Variants in CDK17 observed in about 807,000 individuals in gnomAD.
CDK17 encodes the protein cyclin-dependent kinase 17.
Under a neutral mutation model 77.6 loss-of-function variants are expected in CDK17, and 24 were observed. The ratio of observed to expected loss-of-function variants is 0.31; its 90% confidence interval spans 0.22 to 0.44. CDK17 has a LOEUF of 0.44. CDK17 is among the 20% of genes least tolerant of loss of function. The probability of loss-of-function intolerance (pLI) is 1.00; values close to 1 mark genes in which losing one functional copy is unlikely to be tolerated. For missense variants in CDK17, 429 were observed against 622.5 expected (o/e 0.69, Z 3.31); for synonymous variants, 203 against 210.4 (o/e 0.96, Z 0.30).
rs1954239192 is a variant in CDK17, at chr12:96,400,204, C to T, written c.-248G>A. The T allele has an allele frequency of 2.5e-6, 1 of 394,664 alleles. No individual in the cohort carries two copies. The highest frequency in any genetic ancestry group is 1.3e-4 in the South Asian group (1 of 7,830). 24.4% of individuals were successfully genotyped at this position (394,664 alleles called of 1,614,324 possible). A position where few individuals can be genotyped will look rare whatever the true frequency, so the allele number is the denominator to read the frequency against. Reference sequence around the variant, plus strand: ...GGGCCGCGGGTGTCTCACGCGTTGCCAAGTCCCTCGGTCAACATGGCTCCC... The same window carrying T: ...GGGCCGCGGGTGTCTCACGCGTTGCTAAGTCCCTCGGTCAACATGGCTCCC... On this transcript the variant is annotated 5_prime_UTR_variant, in exon 1 of 17. Coordinates refer to ENST00000261211, the MANE Select transcript of CDK17 (RefSeq NM_002595.5).
intron 10 of CDK17, among the ~76,000 whole-genome samples, chr12:96,293,171 G>T (rs1355034236): frequency 5.9e-5 from 9 of 152,054 alleles, no homozygotes; most frequent in African/African-American, 2.2e-4. Context: ...ACAGTAAGAA[G>T]AATGGCCTTC....
At chr12:96,370,684 T>C (rs1336916580) in intron 1 of CDK17, among the ~76,000 whole-genome samples, 3 of 152,236 alleles carry the variant, frequency 2.0e-5, no homozygotes, top group Non-Finnish European at 4.4e-5. Context: ...ACACTGAATA[T>C]TGTAATAAAC....
At chr12:96,287,138 G>T (rs573848666) in intron 11 of CDK17, among the ~76,000 whole-genome samples, 1 of 152,120 alleles carries the variant, frequency 6.6e-6, no homozygotes. Flanking sequence ...AGACAGGAGT[G>T]GGGAAAAACA....
At chr12:96,280,513 G>C in intron 16 of CDK17, 1 of 1,408,134 alleles carries the variant, frequency 7.1e-7, no homozygotes, top group Non-Finnish European at 9.2e-7. Context: ...TCTGCCTCAG[G>C]TACCAGGGAT....
At chr12:96,327,272 C>T (rs7137430) in intron 2 of CDK17, among the ~76,000 whole-genome samples, 130,689 of 152,144 alleles carry the variant, frequency 0.86, 56,156 homozygotes, top group African/African-American at 0.87. Context: ...TTACTGAAAA[C>T]AATTTTTTAA....
At chr12:96,389,569 C>T (rs1954034648) in intron 1 of CDK17, among the ~76,000 whole-genome samples, 1 of 152,074 alleles carries the variant, frequency 6.6e-6, no homozygotes, top group Non-Finnish European at 1.5e-5. Flanking sequence ...TATTGCAACA[C>T]ACAATACCCC....
At chr12:96,350,277 G>A (rs1056869411) in intron 1 of CDK17, among the ~76,000 whole-genome samples, 3 of 151,352 alleles carry the variant, frequency 2.0e-5, no homozygotes, top group Admixed American at 6.6e-5. Flanking sequence ...AATTTGTTCC[G>A]GTTTACAGTG....
intron 1 of CDK17, among the ~76,000 whole-genome samples, chr12:96,337,025 A>T (rs1475235549): frequency 6.6e-6 from 1 of 152,170 alleles, no homozygotes; most frequent in Admixed American, 6.5e-5. Flanking sequence ...ATACGGAAAA[A>T]ACGTAGAGCC....
chr12:96,298,659 T>G (rs193132391), intron 7 of CDK17, among the ~76,000 whole-genome samples: 3 of 152,236 alleles, frequency 2.0e-5, no homozygotes, highest in Admixed American at 6.5e-5. Flanking sequence ...TTGTCTATGA[T>G]AGTGATTTTT....
intron 1 of CDK17, 51 bp from the exon 2 acceptor site, chr12:96,334,916 G>T (rs1953021693): frequency 2.6e-6 from 2 of 768,776 alleles, no homozygotes; most frequent in Non-Finnish European, 2.3e-6. Context: ...TTTTACCACT[G>T]AAGAAAAATA....
In CDK17 at chr12:96,279,854, T is replaced by C. The variant is rs1952151366; in HGVS notation, c.*388A>G. 1 of 165,910 alleles carries C rather than the reference T, an allele frequency of 6.0e-6. No homozygotes were observed. The highest frequency in any genetic ancestry group is 2.0e-4 in the South Asian group (1 of 4,978). The allele number at this position is 165,910 out of a possible 1,614,324, so 10.3% of individuals were successfully genotyped here. A position where few individuals can be genotyped will look rare whatever the true frequency, so the allele number is the denominator to read the frequency against. On this transcript the variant is annotated 3_prime_UTR_variant, in exon 17 of 17. Transcript: ENST00000261211. Reference sequence around the variant, plus strand: ...GAGGAGAAACAGATGCATTCACATATAATAAAGCCACTGCAACTTCTTCAG... The same window carrying C: ...GAGGAGAAACAGATGCATTCACATACAATAAAGCCACTGCAACTTCTTCAG...
chr12:96,364,641 T>G (rs1953554470), intron 1 of CDK17, among the ~76,000 whole-genome samples: 1 of 152,128 alleles, frequency 6.6e-6, no homozygotes. Flanking sequence ...AAATATATCC[T>G]CCTTACAACA....
Position 96,290,558 on chromosome 12 carries a change from T to C in CDK17, c.998-1271A>G, listed in dbSNP as rs1007727471. 4.6e-5 allele frequency among the ~76,000 whole-genome samples: 7 copies of C among 152,246 alleles called. No individual in the cohort carries two copies. The East Asian group carries it at 1.2e-3, about 25-fold the overall frequency. On this transcript the variant is annotated intron_variant, in intron 10 of 16. Coordinates refer to ENST00000261211, the MANE Select transcript of CDK17 (RefSeq NM_002595.5). ...GTGAAAGGTTATAACTGGAACAATG[T>C]TGACATTCCTTCATTTAATTACAAG...
chr12:96,326,960 T>C (rs1440139132), intron 2 of CDK17, among the ~76,000 whole-genome samples: 1 of 152,220 alleles, frequency 6.6e-6, no homozygotes, highest in East Asian at 1.9e-4. Context: ...ATCTGATTCA[T>C]GTTTCAAAAA....
intron 1 of CDK17, among the ~76,000 whole-genome samples, chr12:96,390,686 A>G (rs1954052921): frequency 7.0e-6 from 1 of 142,706 alleles, no homozygotes; most frequent in Non-Finnish European, 1.5e-5. Flanking sequence ...TCCAGCCTGG[A>G]CGATGGGGTG....
intron 2 of CDK17, among the ~76,000 whole-genome samples, chr12:96,326,153 C>T (rs1952889297): frequency 6.6e-6 from 1 of 152,126 alleles, no homozygotes; most frequent in African/African-American, 2.4e-5. Flanking sequence ...TTTAGTTGCT[C>T]TGTAAAGCTG....
At chr12:96,282,225 T>C in intron 15 of CDK17, 2 of 285,042 alleles carry the variant, frequency 7.0e-6, no homozygotes, top group Non-Finnish European at 1.3e-5. Context: ...GGACAATGCC[T>C]GTCATCAGAT....
chr12:96,289,482 C>T (rs907592504), intron 10 of CDK17, among the ~76,000 whole-genome samples, 195 bp from the exon 11 acceptor site: 5 of 152,112 alleles, frequency 3.3e-5, no homozygotes, highest in Admixed American at 2.6e-4. Flanking sequence ...CATAGTTGAA[C>T]TAAACAAGAA....
chr12:96,339,859 A>C (rs1190753005), intron 1 of CDK17, among the ~76,000 whole-genome samples: 1 of 152,036 alleles, frequency 6.6e-6, no homozygotes, highest in African/African-American at 2.4e-5. Flanking sequence ...CCCAGGGGGC[A>C]GAGGTTGCAG....
Sources: allele counts gnomAD v4.1 joint callset (sites outside exome capture counted in the v4.1 genomes callset), GRCh38; gene constraint gnomAD v4.1.1; transcripts MANE v1.5; gene names NCBI Gene and HGNC (gene_info 2026-07-23, HGNC 2026-07-21).